The following MYH10 variants were observed in gnomAD, a reference collection of about 807,000 sequenced individuals.
The protein encoded by MYH10 is myosin heavy chain 10, also known as myosin-10.
Under a neutral mutation model 257.8 loss-of-function variants are expected in MYH10, and 55 were observed. That is an observed-to-expected ratio of 0.21 (90% CI 0.17 to 0.27). The LOEUF is 0.27. Ranked by LOEUF, MYH10 falls within the 10% of genes least tolerant of loss-of-function variation. The pLI is 1.00. For synonymous variants in MYH10, 854 were observed against 921.7 expected, an observed-to-expected ratio of 0.93 and a Z score of 1.33; for missense variants, 1,631 against 2,500.6, an observed-to-expected ratio of 0.65 and a Z score of 7.42.
At chr17:8,628,928 T>G (rs2085784452) in intron 1 of MYH10, among the ~76,000 whole-genome samples, 1 of 152,198 alleles carries the variant, frequency 6.6e-6, no homozygotes, top group Non-Finnish European at 1.5e-5. Flanking sequence ...GTCACATCCT[T>G]CTGCTGCCAA....
chr17:8,576,538 G>A, intron 6 of MYH10, 105 bp downstream of exon 6: 3 of 1,134,328 alleles, frequency 2.6e-6, no homozygotes, highest in East Asian at 2.6e-5. Context: ...TTTAATGACA[G>A]ATTTCACTTA....
chr17:8,608,837 A>T (rs1176981485), intron 2 of MYH10, among the ~76,000 whole-genome samples: 3 of 136,578 alleles, frequency 2.2e-5, no homozygotes, highest in African/African-American at 8.6e-5. Flanking sequence ...TTTGAGACGG[A>T]GTCTCGCTCT....
intron 3 of MYH10, among the ~76,000 whole-genome samples, chr17:8,602,640 T>C (rs1478273280): frequency 6.6e-6 from 1 of 152,226 alleles, no homozygotes; most frequent in African/African-American, 2.4e-5. Flanking sequence ...GTATCAAACT[T>C]TTAAATTTTT....
intron 37 of MYH10, among the ~76,000 whole-genome samples, chr17:8,481,697 C>G (rs1913848702): frequency 6.6e-6 from 1 of 152,212 alleles, no homozygotes; most frequent in Non-Finnish European, 1.5e-5. Flanking sequence ...TCCTGCCCTT[C>G]TTGGAAAGCT....
chr17:8,621,532 C>A (rs955650231), intron 2 of MYH10, among the ~76,000 whole-genome samples: 1 of 152,166 alleles, frequency 6.6e-6, no homozygotes, highest in African/African-American at 2.4e-5. Flanking sequence ...TCACCCTACA[C>A]GTGGTTATTC....
At chr17:8,585,723 C>A (rs1202950613) in intron 4 of MYH10, among the ~76,000 whole-genome samples, 1 of 151,880 alleles carries the variant, frequency 6.6e-6, no homozygotes, top group Admixed American at 6.6e-5. Context: ...GGAGAAGGAA[C>A]TTTCTGGGGT....
At chr17:8,572,564 T>C (rs1164214333) in intron 6 of MYH10, among the ~76,000 whole-genome samples, 1 of 152,192 alleles carries the variant, frequency 6.6e-6, no homozygotes, top group African/African-American at 2.4e-5. Flanking sequence ...CAGGACAATT[T>C]TTCTTCTTCC....
intron 30 of MYH10, among the ~76,000 whole-genome samples, chr17:8,498,008 G>A (rs1916932938): frequency 7.7e-6 from 1 of 129,860 alleles, no homozygotes; most frequent in Admixed American, 8.5e-5. Flanking sequence ...TTGAGACAGA[G>A]TCTTGTTCTG....
intron 24 of MYH10, 128 bp downstream of exon 24, chr17:8,512,323 G>T (rs367876630): frequency 4.4e-6 from 3 of 676,070 alleles, no homozygotes; most frequent in East Asian, 5.5e-5. Flanking sequence ...TCTAAGAGTG[G>T]CTTCTCATAA....
At chr17:8,481,740 T>C (rs1261458736) in intron 37 of MYH10, among the ~76,000 whole-genome samples, 2 of 152,214 alleles carry the variant, frequency 1.3e-5, no homozygotes, top group East Asian at 3.9e-4. Flanking sequence ...GCATGAACTT[T>C]ATATAAACCC....
At position 8,596,033 on chromosome 17, in the gene MYH10, T is replaced by C. The variant is rs531721642; in HGVS notation, c.503-6925A>G. ...TTGTACTTTTATTATTTTGCTACTT[T>C]GAGATGTCTTTCTTGTAAATGGCAT... On this transcript the variant is annotated intron_variant, in intron 3 of 42. Transcript: ENST00000360416. 3.0e-4 allele frequency among the ~76,000 whole-genome samples: 46 copies of C among 152,306 alleles called. No homozygotes were observed. The East Asian group carries it at 5.4e-3, about 18-fold the overall frequency.
At chr17:8,594,022 T>C (rs917524203) in intron 3 of MYH10, among the ~76,000 whole-genome samples, 1 of 152,198 alleles carries the variant, frequency 6.6e-6, no homozygotes, top group African/African-American at 2.4e-5. Flanking sequence ...TAGACCTTTG[T>C]TGATTTTCCA....
At chr17:8,520,848 A>G (rs1375875255) in intron 19 of MYH10, 30 bp downstream of exon 19, 3 of 1,578,672 alleles carry the variant, frequency 1.9e-6, no homozygotes, top group Non-Finnish European at 1.7e-6. Flanking sequence ...ACTCTGATAC[A>G]TAAGCAAAAA....
intron 14 of MYH10, 98 bp downstream of exon 14, chr17:8,542,009 C>G (rs187626355): frequency 6.6e-5 from 79 of 1,202,890 alleles, no homozygotes; most frequent in Admixed American, 5.8e-4. Flanking sequence ...AATTATTTCA[C>G]CACTGAACAG....
chr17:8,513,929 A>G lies in MYH10; in HGVS notation c.2505-35T>C, dbSNP rs570964656. 28 of 1,573,482 alleles carry G rather than the reference A, an allele frequency of 1.8e-5. No individual in the cohort carries two copies. In the East Asian group the frequency reaches 6.4e-4, roughly 36 times the overall value. On this transcript the variant is annotated intron_variant, in intron 21 of 42. Transcript: ENST00000360416. ...AATAAGAAAAACTTATGATGTAAAG[A>G]AAAAAGTGCTTGAATGGCTGTTGTC...
intron 31 of MYH10, among the ~76,000 whole-genome samples, chr17:8,494,727 G>GACTAAGCCTCAACTGAGGCTTATCAGA (rs1916317657): frequency 6.6e-6 from 1 of 152,238 alleles, no homozygotes; most frequent in African/African-American, 2.4e-5. Context: ...TTAACAGTCT[G>GACTAAGCCTCAACTGAGGCTTATCAGA]ATAAGCCTCA....
chr17:8,589,510 T>G (rs2084039947), intron 3 of MYH10, among the ~76,000 whole-genome samples: 1 of 152,120 alleles, frequency 6.6e-6, no homozygotes, highest in African/African-American at 2.4e-5. Flanking sequence ...CTTCTTTAAA[T>G]AAGCGCCCCA....
chr17:8,602,134 C>G (rs979315970), intron 3 of MYH10, among the ~76,000 whole-genome samples: 4 of 152,240 alleles, frequency 2.6e-5, no homozygotes, highest in African/African-American at 9.6e-5. Flanking sequence ...TGCTGCCACG[C>G]CCGGCTAATT....
intron 2 of MYH10, 99 bp downstream of exon 2, chr17:8,622,803 G>C (rs2085519551): frequency 1.2e-5 from 16 of 1,313,994 alleles, no homozygotes; most frequent in Non-Finnish European, 1.5e-5. Flanking sequence ...TAAACAGAGA[G>C]TTTGGGTATT....
Sources: gnomAD v4.1 joint callset for allele counts (sites outside exome capture counted in the v4.1 genomes callset) on GRCh38, gnomAD v4.1.1 for gene constraint, MANE v1.5 for transcripts, NCBI Gene and HGNC (gene_info 2026-07-23, HGNC 2026-07-21) for gene names.